The following CCDC175 variants were observed in gnomAD, a reference collection of about 807,000 sequenced individuals.
CCDC175 encodes coiled-coil domain-containing protein 175.
Under a neutral mutation model 114.6 loss-of-function variants are expected in CCDC175, and 100 were observed. That is an observed-to-expected ratio of 0.87 (90% CI 0.74 to 1.03). The LOEUF (loss-of-function observed/expected upper bound fraction) is 1.03. CCDC175 is among the 50% of genes least tolerant of loss of function. The probability of loss-of-function intolerance (pLI) is 0.00; values close to 1 mark genes in which losing one functional copy is unlikely to be tolerated. For missense variants in CCDC175, 880 were observed against 917.8 expected (o/e 0.96, Z 0.53); for synonymous variants, 306 against 308.7 (o/e 0.99, Z 0.09).
chr14:59,521,422 C>T (rs12886800), intron 17 of CCDC175, among the ~76,000 whole-genome samples, 152 bp downstream of exon 17: 40,079 of 152,070 alleles, frequency 0.26, 5,615 homozygotes, highest in South Asian at 0.4. Flanking sequence ...ATTCCTTGCT[C>T]CTCAACTTGC....
chr14:59,561,349 A>T, intron 6 of CCDC175, 121 bp from the exon 7 acceptor site: 1 of 477,066 alleles, frequency 2.1e-6, no homozygotes, highest in Non-Finnish European at 3.7e-6. Flanking sequence ...AGTGTACTTC[A>T]AGGAAAAAAA....
intron 7 of CCDC175, among the ~76,000 whole-genome samples, chr14:59,552,312 A>G (rs1400227829): frequency 3.3e-5 from 5 of 152,262 alleles, no homozygotes; most frequent in Non-Finnish European, 7.3e-5. Context: ...CTGTTCAGCA[A>G]TATTCACTGT....
At chr14:59,548,925 G>T (rs1201661379) in intron 8 of CCDC175, among the ~76,000 whole-genome samples, 1 of 152,202 alleles carries the variant, frequency 6.6e-6, no homozygotes, top group Admixed American at 6.5e-5. Context: ...CTTTGTAAAA[G>T]AGGGAGAAGA....
intron 6 of CCDC175, among the ~76,000 whole-genome samples, chr14:59,561,869 A>G (rs1325726347): frequency 6.6e-6 from 1 of 152,202 alleles, no homozygotes; most frequent in Non-Finnish European, 1.5e-5. Context: ...GGGACAATGA[A>G]GCTTAGACAA....
At chr14:59,513,885 C>A (rs947947421) in intron 17 of CCDC175, among the ~76,000 whole-genome samples, 2 of 152,210 alleles carry the variant, frequency 1.3e-5, no homozygotes, top group Non-Finnish European at 2.9e-5. Context: ...ACGTCCTTGA[C>A]CCCCGAGTAG....
intron 14 of CCDC175, among the ~76,000 whole-genome samples, chr14:59,528,446 A>C (rs1893873862): frequency 6.6e-6 from 1 of 152,124 alleles, no homozygotes; most frequent in Admixed American, 6.5e-5. Flanking sequence ...TTCTTTAAAA[A>C]CATGAATATA....
In CCDC175 at chr14:59,515,042, C is replaced by T. The variant is rs1445605856; in HGVS notation, c.2099-3239G>A. 2.6e-5 allele frequency among the ~76,000 whole-genome samples: 4 copies of T among 152,226 alleles called. No homozygotes were observed. The East Asian group carries it at 5.8e-4, about 22-fold the overall frequency. On this transcript the variant is annotated intron_variant, in intron 17 of 19. Coordinates refer to ENST00000537690, the MANE Select transcript of CCDC175 (RefSeq NM_001164399.2). ...TTCTTAAAGAAAAGAATTTTCAACC[C>T]AGAATTTAATATCCAGCCAAACTAA...
At chr14:59,558,720 A>C (rs755697035) in intron 7 of CCDC175, among the ~76,000 whole-genome samples, 2 of 152,212 alleles carry the variant, frequency 1.3e-5, no homozygotes, top group Non-Finnish European at 1.5e-5. Flanking sequence ...TATAATAGAC[A>C]TCTTCCAAGT....
chr14:59,519,124 C>T (rs941049646), intron 17 of CCDC175, among the ~76,000 whole-genome samples: 3 of 151,946 alleles, frequency 2.0e-5, no homozygotes. Context: ...ACAATGAGAA[C>T]ACTTGGACAC....
At chr14:59,560,930 A>G (rs1454113632) in intron 7 of CCDC175, among the ~76,000 whole-genome samples, 189 bp downstream of exon 7, 1 of 152,128 alleles carries the variant, frequency 6.6e-6, no homozygotes, top group Non-Finnish European at 1.5e-5. Flanking sequence ...TCTCTTGATC[A>G]TCAGCTAATT....
At chr14:59,566,038 G>T (rs977916846) in intron 4 of CCDC175, among the ~76,000 whole-genome samples, 1 of 152,150 alleles carries the variant, frequency 6.6e-6, no homozygotes, top group African/African-American at 2.4e-5. Flanking sequence ...CTGCAGGCAG[G>T]GCCCAACAGA....
chr14:59,516,626 T>C (rs1351946471), intron 17 of CCDC175, among the ~76,000 whole-genome samples: 1 of 152,062 alleles, frequency 6.6e-6, no homozygotes, highest in Non-Finnish European at 1.5e-5. Flanking sequence ...CAGGAAGAAG[T>C]TGAATCTCTG....
chr14:59,543,039 C>G lies in CCDC175; in HGVS notation c.1283+305G>C, dbSNP rs566700874. Among the ~76,000 whole-genome samples, 3 of 152,110 alleles carry G rather than the reference C, an allele frequency of 2.0e-5. No individual in the cohort carries two copies. The Middle Eastern group carries it at 0.01, about 517-fold the overall frequency. On this transcript the variant is annotated intron_variant, in intron 10 of 19. Transcript: ENST00000537690. The stretch of plus-strand genomic sequence containing the variant: ...CAGAAAAAAATTAAAATTAAAATGA[C>G]TTAGAATGCAGAAATGAACATCAAT...
chr14:59,563,915 T>G (rs911701195), intron 5 of CCDC175, 56 bp from the exon 6 acceptor site: 17 of 1,183,664 alleles, frequency 1.4e-5, no homozygotes, highest in Non-Finnish European at 1.7e-5. Context: ...CAACAAAGTT[T>G]AAAAAATCTT....
chr14:59,538,733 T>C lies in CCDC175; in HGVS notation c.1463A>G (p.Glu488Gly), dbSNP rs1460131311. The C allele has an allele frequency of 6.5e-7, 1 of 1,536,444 alleles. No individual in the cohort carries two copies. Among genetic ancestry groups the C allele is most frequent in the Admixed American group, 2.0e-5 (1 of 50,902 alleles). Residue 488 changes from glutamate to glycine, a missense_variant, in exon 12 of 20, where the codon GAA becomes GGA. Glu to Gly is a moderately conservative substitution (Grantham distance 98). Transcript: ENST00000537690. ...GTTAAGTAATTCAATTCGTCTAACT[T>C]CTGCATTCTGAATTTTTTCTGTAAT... ...QAITEKIQNA[E>G]VRRIELLNET...
rs867301778 is a variant in CCDC175 at position 59,510,691 on chromosome 14, C to T, written c.2260G>A (p.Gly754Arg). The T allele has an allele frequency of 1.4e-5, 22 of 1,537,080 alleles. No homozygotes were observed. Among genetic ancestry groups the T allele is most frequent in the Middle Eastern group, 1.7e-4 (1 of 6,010 alleles). Residue 754 changes from glycine to arginine, a missense_variant, in exon 19 of 20, where the codon GGG (glycine) becomes AGG (arginine). Transcript: ENST00000537690. ...TCCTGTTCCACAAGCAAACGCAGCC[C>T]TTCAAGACTCCCTCGTAGCCATGTA... ...VSTWLRGSLEGLRLLVEQESP... is the reference protein window; with the variant it reads ...VSTWLRGSLERLRLLVEQESP...
intron 6 of CCDC175, among the ~76,000 whole-genome samples, chr14:59,562,459 T>G (rs746793658): frequency 6.6e-6 from 1 of 152,190 alleles, no homozygotes; most frequent in Non-Finnish European, 1.5e-5. Flanking sequence ...TGCTCTGCAG[T>G]AGGCAATATT....
Position 59,525,362 on chromosome 14 carries a change from G to C in CCDC175, c.1915C>G (p.Leu639Val). 6.6e-7 allele frequency: 1 copy of C among 1,516,004 alleles called. No homozygotes were observed. The highest frequency in any genetic ancestry group is 1.4e-5 in the African/African-American group (1 of 71,348). The allele number at this position is 1,516,004 out of a possible 1,614,324, so 93.9% of individuals were successfully genotyped here. A position where few individuals can be genotyped will look rare whatever the true frequency, so the allele number is the denominator to read the frequency against. Residue 639 changes from leucine (L) to valine (V), a missense_variant, in exon 16 of 20, where the codon CTA becomes GTA. Coordinates refer to ENST00000537690, the MANE Select transcript of CCDC175 (RefSeq NM_001164399.2). ...TAGAATCCATTTTCTAAGTTCTTTA[G>C]AGTTTCAAAATGATCTTTGTTTTTT... ...SKKNKDHFET[L>V]KNLENGFYIN...
intron 17 of CCDC175, among the ~76,000 whole-genome samples, chr14:59,518,504 G>C (rs561780455): frequency 6.6e-6 from 1 of 152,122 alleles, no homozygotes; most frequent in South Asian, 2.1e-4. Flanking sequence ...ACAAGTGGGC[G>C]AAGGATATGA....
Sources: allele counts gnomAD v4.1 joint callset (sites outside exome capture counted in the v4.1 genomes callset), GRCh38; gene constraint gnomAD v4.1.1; transcripts MANE v1.5; gene names NCBI Gene and HGNC (gene_info 2026-07-23, HGNC 2026-07-21).